COL22A1: variants seen among roughly 807,000 people sequenced by gnomAD.
The protein encoded by COL22A1 is collagen type XXII alpha 1 chain.
Under a neutral mutation model 248.9 loss-of-function variants are expected in COL22A1, and 221 were observed. The observed-to-expected ratio is 0.89, with a 90% CI of 0.80 to 0.99. COL22A1 has a LOEUF of 0.99. COL22A1 is among the 50% of genes least tolerant of loss of function. COL22A1 has a pLI of 0.00. For synonymous variants in COL22A1, 891 were observed against 793.4 expected, an observed-to-expected ratio of 1.12 and a Z score of -2.07; for missense variants, 2,240 against 2,179.0, an observed-to-expected ratio of 1.03 and a Z score of -0.56.
intron 3 of COL22A1, among the ~76,000 whole-genome samples, chr8:138,857,218 C>T (rs1006382474): frequency 2.6e-5 from 4 of 152,120 alleles, no homozygotes; most frequent in Non-Finnish European, 4.4e-5. Context: ...CCTCCTGCCC[C>T]GGAGACATTG....
At chr8:138,776,510 C>A (rs533176018) in intron 15 of COL22A1, among the ~76,000 whole-genome samples, 11 of 152,206 alleles carry the variant, frequency 7.2e-5, no homozygotes, top group South Asian at 2.1e-4. Flanking sequence ...TTATCTAGAG[C>A]AGCACCTAGA....
At position 138,826,748 on chromosome 8, in the gene COL22A1, G is replaced by A. The variant is rs377121049; in HGVS notation, c.879C>T (p.Tyr293=). ...DVFPQGLPDE[Y]AFVTTFRFRK... is the part of the protein sequence containing the mutation. Reference sequence around the variant, plus strand: ...TGAACCGGAAGGTTGTGACAAAGGCGTACTCATCAGGTAAACCTTGGGGGA... The same window carrying A: ...TGAACCGGAAGGTTGTGACAAAGGCATACTCATCAGGTAAACCTTGGGGGA... The change falls in exon 6 of 65, where the codon TAC becomes TAT. Residue 293 remains tyrosine, a synonymous_variant. Transcript: ENST00000303045. 5.7e-5 allele frequency: 92 copies of A among 1,613,884 alleles called. No individual in the cohort carries two copies. In the Middle Eastern group the frequency reaches 2.0e-3, roughly 35 times the overall value.
At chr8:138,814,876 C>T (rs761416704) in intron 7 of COL22A1, among the ~76,000 whole-genome samples, 7 of 152,204 alleles carry the variant, frequency 4.6e-5, no homozygotes, top group Non-Finnish European at 8.8e-5. Context: ...AGGCCCTCTT[C>T]TCTGCCACAT....
intron 1 of COL22A1, among the ~76,000 whole-genome samples, chr8:138,884,655 C>T (rs2077944072): frequency 6.6e-6 from 1 of 152,118 alleles, no homozygotes; most frequent in African/African-American, 2.4e-5. Context: ...CTGCAGAGAA[C>T]CATGAAATGA....
In COL22A1 at chr8:138,764,342, C is replaced by T. The variant is rs117512534; in HGVS notation, c.1804-1876G>A. 1.3e-3 allele frequency among the ~76,000 whole-genome samples: 196 copies of T among 152,326 alleles called. 3 individuals are homozygous for T. In the East Asian group the frequency reaches 0.024, roughly 19 times the overall value. Reference sequence around the variant, plus strand: ...TGCTGGCTACCTGCGGAGTGGGTCTCTCCTTTCATCTGGAAACAAATACTG... The same window carrying T: ...TGCTGGCTACCTGCGGAGTGGGTCTTTCCTTTCATCTGGAAACAAATACTG... On this transcript the variant is annotated intron_variant, in intron 16 of 64. Transcript: ENST00000303045.
In COL22A1 at chr8:138,673,780, G is replaced by A. The variant is rs748999321; in HGVS notation, c.3150+2778C>T. ...GGACAGGTCAGTTCCCTCCTGCCACGTTCCCTGGGCATGCACCTGCCCAGG... is the reference window on the plus strand; with the variant it reads ...GGACAGGTCAGTTCCCTCCTGCCACATTCCCTGGGCATGCACCTGCCCAGG... On this transcript the variant is annotated intron_variant, in intron 41 of 64. Coordinates refer to ENST00000303045, the MANE Select transcript of COL22A1 (RefSeq NM_152888.3). 1.3e-3 allele frequency among the ~76,000 whole-genome samples: 203 copies of A among 152,068 alleles called. 6 individuals are homozygous for A. Among genetic ancestry groups the A allele is most frequent in the Non-Finnish European group, 3.4e-4 (23 of 68,016 alleles).
chr8:138,595,538 T>C (rs1817463217), intron 62 of COL22A1, among the ~76,000 whole-genome samples: 1 of 152,132 alleles, frequency 6.6e-6, no homozygotes, highest in Non-Finnish European at 1.5e-5. Flanking sequence ...ACCAATTTGT[T>C]CCTTATTTCC....
rs550860887 is a variant in COL22A1, at chr8:138,882,346, CCACA to C, written c.91+732_91+735del. Reference sequence around the variant, plus strand: ...CTCCCTCAAACTCACACACACTTCCCCACACACTCCCTTAAACTCACACACTCTC... The same window carrying C: ...CTCCCTCAAACTCACACACACTTCCCCACTCCCTTAAACTCACACACTCTC... On this transcript the variant is annotated intron_variant, in intron 2 of 64. Transcript: ENST00000303045. Among the ~76,000 whole-genome samples the C allele has an allele frequency of 4.6e-5, 7 of 150,870 alleles. No homozygotes were observed. The Middle Eastern group carries it at 0.011, about 234-fold the overall frequency.
chr8:138,829,946 G>GTA (rs969054010), intron 5 of COL22A1, among the ~76,000 whole-genome samples: 13 of 151,840 alleles, frequency 8.6e-5, no homozygotes, highest in Admixed American at 4.6e-4. Context: ...GCATGTGTGT[G>GTA]TATATATATA....
Position 138,626,225 on chromosome 8 carries a change from C to A in COL22A1, c.3682G>T (p.Gly1228Cys). 6.2e-7 allele frequency: 1 copy of A among 1,607,788 alleles called. No homozygotes were observed. ...GGTAATCCAGATGGGCCTTGGGGGCCAGGAGGGCCTTCTTTCCCCTAAAAG... is the reference window on the plus strand; with the variant it reads ...GGTAATCCAGATGGGCCTTGGGGGCAAGGAGGGCCTTCTTTCCCCTAAAAG... Reference protein sequence around the residue: ...QGSPGKEGPPGPQGPSGLPGI... With the variant: ...QGSPGKEGPPCPQGPSGLPGI... The change falls in exon 51 of 65, where the codon GGC becomes TGC. Residue 1228 changes from glycine (G) to cysteine (C), a missense_variant. Transcript: ENST00000303045.
Position 138,781,153 on chromosome 8 carries a change from GCAGATT to G in COL22A1, c.1597-179_1597-174del, listed in dbSNP as rs1255205752. On this transcript the variant is annotated intron_variant, in intron 12 of 64. Transcript: ENST00000303045. ...GGCATCACTTGGGAGAGTATAAAAT[GCAGATT>G]CCCAGGTTTCACATCAGATCTACAT... is the stretch of plus-strand genomic sequence containing the variant. 4.6e-5 allele frequency among the ~76,000 whole-genome samples: 7 copies of G among 152,166 alleles called. No homozygotes were observed. In the South Asian group the frequency reaches 1.5e-3, roughly 32 times the overall value.
At chr8:138,747,703 G>A (rs965414094) in intron 22 of COL22A1, among the ~76,000 whole-genome samples, 1 of 152,184 alleles carries the variant, frequency 6.6e-6, no homozygotes, top group Non-Finnish European at 1.5e-5. Context: ...ATGAGGGCAG[G>A]AGCTTCCTTC....
At chr8:138,733,164 G>C (rs1192424192) in intron 23 of COL22A1, among the ~76,000 whole-genome samples, 1 of 152,140 alleles carries the variant, frequency 6.6e-6, no homozygotes, top group African/African-American at 2.4e-5. Flanking sequence ...CAATTCAAGG[G>C]ACTTTGTCCT....
At chr8:138,816,253 G>A (rs1375788261) in intron 7 of COL22A1, among the ~76,000 whole-genome samples, 1 of 152,124 alleles carries the variant, frequency 6.6e-6, no homozygotes, top group Non-Finnish European at 1.5e-5. Flanking sequence ...GGGGTGAGAG[G>A]TCCTCTGAGC....
At chr8:138,865,359 T>C (rs1822778575) in intron 3 of COL22A1, among the ~76,000 whole-genome samples, 1 of 152,296 alleles carries the variant, frequency 6.6e-6, no homozygotes. Context: ...TGTGTCTATG[T>C]GTGGGTATGT....
intron 1 of COL22A1, among the ~76,000 whole-genome samples, chr8:138,910,078 GTAACACCA>G (rs1204084386): frequency 6.6e-6 from 1 of 152,176 alleles, no homozygotes; most frequent in Non-Finnish European, 1.5e-5. Context: ...CGAAACTCCA[GTAACACCA>G]CAAAGCAAGG....
At chr8:138,701,387 A>T (rs116152189) in intron 31 of COL22A1, among the ~76,000 whole-genome samples, 1,822 of 152,338 alleles carry the variant, frequency 0.012, 27 homozygotes, top group African/African-American at 0.036. Flanking sequence ...ATGGACAAAA[A>T]ACATCATAGA....
intron 3 of COL22A1, among the ~76,000 whole-genome samples, chr8:138,867,321 A>G (rs1354899577): frequency 6.6e-6 from 1 of 152,192 alleles, no homozygotes; most frequent in Non-Finnish European, 1.5e-5. Context: ...CTCAAGACAG[A>G]TGAACTTCTC....
intron 16 of COL22A1, among the ~76,000 whole-genome samples, chr8:138,763,146 G>T: frequency 1.3e-5 from 2 of 152,164 alleles, no homozygotes; most frequent in East Asian, 3.9e-4. Flanking sequence ...CAGCACTTTG[G>T]GGGGCTGAGG....
Sources: allele counts gnomAD v4.1 joint callset (sites outside exome capture counted in the v4.1 genomes callset), GRCh38; gene constraint gnomAD v4.1.1; transcripts MANE v1.5; gene names NCBI Gene and HGNC (gene_info 2026-07-23, HGNC 2026-07-21).